The following SMG1 variants were observed in gnomAD, a reference collection of about 807,000 sequenced individuals.
The protein encoded by SMG1 is serine/threonine-protein kinase SMG1.
SMG1 carries 22 observed loss-of-function variants against 419.9 expected under a neutral mutation model. The observed-to-expected ratio is 0.05, with a 90% CI of 0.04 to 0.07. SMG1 has a LOEUF of 0.07. SMG1 is among the 10% of genes least tolerant of loss of function. The probability of loss-of-function intolerance (pLI) is 1.00; values close to 1 mark genes in which losing one functional copy is unlikely to be tolerated. For synonymous variants in SMG1, 1,538 were observed against 1,553.5 expected, an observed-to-expected ratio of 0.99 and a Z score of 0.23; for missense variants, 3,185 against 4,342.0, an observed-to-expected ratio of 0.73 and a Z score of 7.49.
intron 55 of SMG1, among the ~76,000 whole-genome samples, chr16:18,820,546 C>G (rs867945963): frequency 1.3e-5 from 2 of 152,118 alleles, no homozygotes; most frequent in Non-Finnish European, 2.9e-5. Context: ...ATTATCATGA[C>G]GAGGAAAGTT....
chr16:18,907,900 C>T (rs1360058501), intron 1 of SMG1, among the ~76,000 whole-genome samples: 1 of 145,574 alleles, frequency 6.9e-6, no homozygotes, highest in Non-Finnish European at 1.5e-5. Flanking sequence ...AATTGCATCA[C>T]TTATCTTCCC....
intron 15 of SMG1, among the ~76,000 whole-genome samples, chr16:18,871,778 A>C (rs540246668): frequency 2.6e-5 from 4 of 151,992 alleles, no homozygotes; most frequent in Non-Finnish European, 5.9e-5. Context: ...ATCTCTACTA[A>C]AAATACAAAA....
intron 29 of SMG1, chr16:18,856,995 T>G (rs1037185577): frequency 2.5e-4 from 38 of 152,098 alleles, no homozygotes; most frequent in Admixed American, 6.6e-4. Context: ...TCCTTACAAG[T>G]ATCTCAAAAG....
In SMG1 at chr16:18,829,927, T is replaced by C; in HGVS notation, c.9132A>G (p.Ser3044=). The change falls in exon 53 of 63, where the codon TCA becomes TCG. Residue 3044 remains serine (S), a splice_region_variant and synonymous_variant. Transcript: ENST00000446231. The stretch of plus-strand genomic sequence containing the variant: ...GTATGTTTACAGGTAGAATATTACC[T>C]GACAATGTTTTAGAAAAGGTACCAC... The part of the protein sequence containing the change: ...RLCGTFSKTL[S]GSSSLEDQNT... 1.3e-6 allele frequency: 2 copies of C among 1,543,894 alleles called. No homozygotes were observed. The highest frequency in any genetic ancestry group is 1.7e-6 in the Non-Finnish European group (2 of 1,147,530).
chr16:18,920,971 C>A (rs1378424834), intron 1 of SMG1, among the ~76,000 whole-genome samples: 1 of 151,980 alleles, frequency 6.6e-6, no homozygotes, highest in Non-Finnish European at 1.5e-5. Flanking sequence ...AATCCCATCT[C>A]CACTAAAAAC....
In SMG1 at chr16:18,845,554, C is replaced by A; in HGVS notation, c.6094G>T (p.Ala2032Ser). The change falls in exon 39 of 63, where the codon GCA becomes TCA. Residue 2032 changes from alanine (A) to serine (S), a missense_variant. Coordinates refer to ENST00000446231, the MANE Select transcript of SMG1 (RefSeq NM_015092.5). ...EHVRSITAAP[A>S]ETPHEKWFQD... Reference sequence around the variant, plus strand: ...AACCATTTTTCATGAGGTGTTTCTGCAGGAGCCGCTGTGATACTCCTCACA... The same window carrying A: ...AACCATTTTTCATGAGGTGTTTCTGAAGGAGCCGCTGTGATACTCCTCACA... 1 of 1,613,936 alleles carries A rather than the reference C, an allele frequency of 6.2e-7. No individual in the cohort carries two copies. The highest frequency in any genetic ancestry group is 1.7e-5 in the Admixed American group (1 of 60,024).
At chr16:18,882,605 A>G (rs150510316) in intron 9 of SMG1, among the ~76,000 whole-genome samples, 3 of 152,342 alleles carry the variant, frequency 2.0e-5, no homozygotes, top group East Asian at 3.9e-4. Flanking sequence ...GGGAAAAATA[A>G]ATTCTAGCAC....
chr16:18,806,397 T>C lies in SMG1; in HGVS notation c.*3172A>G, dbSNP rs1449228958. The C allele has an allele frequency of 4.6e-5, 7 of 152,602 alleles. No individual in the cohort carries two copies. The highest frequency in any genetic ancestry group is 4.6e-4 in the Admixed American group (7 of 15,268). 9.5% of individuals were successfully genotyped at this position (152,602 alleles called of 1,614,324 possible). ...TTAGGGAAGCAGATCAAGAGCCTGA[T>C]TATCAGTTCTCACATGGAAATCTCA... is the stretch of plus-strand genomic sequence containing the variant. On this transcript the variant is annotated 3_prime_UTR_variant, in exon 63 of 63. Transcript: ENST00000446231.
intron 54 of SMG1, among the ~76,000 whole-genome samples, chr16:18,828,864 G>A (rs1166958851): frequency 1.3e-5 from 2 of 152,160 alleles, no homozygotes; most frequent in Non-Finnish European, 2.9e-5. Context: ...CAGGCGTGGT[G>A]GCACATGCCT....
At chr16:18,819,148 G>C (rs2141136829) in intron 56 of SMG1, among the ~76,000 whole-genome samples, 1 of 152,330 alleles carries the variant, frequency 6.6e-6, no homozygotes. Flanking sequence ...ACGTTTTATT[G>C]TCATGTGGAA....
rs572905131 is a variant in SMG1 at position 18,879,464 on chromosome 16, A to C, written c.1518+31T>G. The C allele has an allele frequency of 3.5e-6, 3 of 856,672 alleles. No individual in the cohort carries two copies. In the East Asian group the frequency reaches 7.9e-5, roughly 23 times the overall value. 53.1% of individuals were successfully genotyped at this position (856,672 alleles called of 1,614,324 possible). ...GATTTAAGGGCCTGAATAAACCAAC[A>C]CATTAAAAAGGAAAAGAATAATTCA... On this transcript the variant is annotated intron_variant, in intron 11 of 62. Coordinates refer to ENST00000446231, the MANE Select transcript of SMG1 (RefSeq NM_015092.5).
In SMG1 at chr16:18,868,204, T is replaced by C. The variant is rs757158030; in HGVS notation, c.3181A>G (p.Thr1061Ala). The change falls in exon 22 of 63, where the codon ACC becomes GCC. Residue 1061 changes from threonine (T) to alanine (A), a missense_variant. Physicochemically the swap from Thr to Ala is moderately conservative, Grantham distance 58. Transcript: ENST00000446231. ...GFDLLTEMKT[T>A]SLSQGNELEV... is the part of the protein sequence containing the mutation. ...CACCACATTACCTGAGATAGGCTGG[T>C]TGTTTTCATCTCTGTAAGCAAGTCA... 9.1e-5 allele frequency: 144 copies of C among 1,575,650 alleles called. No individual in the cohort carries two copies. Among genetic ancestry groups the C allele is most frequent in the Non-Finnish European group, 1.2e-4 (140 of 1,168,728 alleles).
Position 18,872,552 on chromosome 16 carries a change from C to G in SMG1, c.1963G>C (p.Val655Leu). 1 of 1,510,170 alleles carries G rather than the reference C, an allele frequency of 6.6e-7. No homozygotes were observed. Among genetic ancestry groups the G allele is most frequent in the Non-Finnish European group, 8.9e-7 (1 of 1,124,372 alleles). The allele number at this position is 1,510,170 out of a possible 1,614,324, so 93.5% of individuals were successfully genotyped here. A position where few individuals can be genotyped will look rare whatever the true frequency, so the allele number is the denominator to read the frequency against. ...NLMIVHSDLA[V>L]HFPAIQYAVL... is the part of the protein sequence containing the mutation. ...GCATACTGAATGGCAGGGAAGTGAA[C>G]AGCCAGGTCACTGTGCACAATCATC... The change falls in exon 14 of 63, where the codon GTT (valine) becomes CTT (leucine). Residue 655 changes from valine (V) to leucine (L), a missense_variant. Val to Leu is a conservative substitution (Grantham distance 32). Transcript: ENST00000446231.
At position 18,807,488 on chromosome 16, in the gene SMG1, G is replaced by A. The variant is rs2030946722; in HGVS notation, c.*2081C>T. The A allele has an allele frequency of 6.6e-6, 1 of 152,072 alleles. No homozygotes were observed. Among genetic ancestry groups the A allele is most frequent in the African/African-American group, 2.4e-5 (1 of 41,380 alleles). 9.4% of individuals were successfully genotyped at this position (152,072 alleles called of 1,614,324 possible). A position where few individuals can be genotyped will look rare whatever the true frequency, so the allele number is the denominator to read the frequency against. ...TTTGATGCGCTAGGTTCCTTAACTT[G>A]CTATTGGACACATGGGTATTTCAAA... On this transcript the variant is annotated 3_prime_UTR_variant, in exon 63 of 63. Transcript: ENST00000446231.
chr16:18,844,514 C>T (rs920154428), intron 39 of SMG1, among the ~76,000 whole-genome samples: 2 of 95,670 alleles, frequency 2.1e-5, no homozygotes, highest in African/African-American at 9.3e-5. Context: ...CACACACACA[C>T]ACACACACGG....
intron 6 of SMG1, among the ~76,000 whole-genome samples, chr16:18,886,796 T>C (rs931029534): frequency 2.6e-5 from 4 of 152,024 alleles, no homozygotes; most frequent in Non-Finnish European, 5.9e-5. Context: ...AGCAAGATTA[T>C]GTCTCAAAAA....
intron 48 of SMG1, 31 bp from the exon 49 acceptor site, chr16:18,835,195 T>C: frequency 1.9e-6 from 3 of 1,584,908 alleles, no homozygotes; most frequent in Non-Finnish European, 2.6e-6. Flanking sequence ...TGCTTGTTTA[T>C]AACACAACCA....
chr16:18,831,970 T>C (rs1169361240), intron 51 of SMG1, among the ~76,000 whole-genome samples: 1 of 151,944 alleles, frequency 6.6e-6, no homozygotes, highest in East Asian at 1.9e-4. Context: ...TAAGATTACA[T>C]ATATATGTAT....
rs995398913 is a variant in SMG1 at position 18,905,611 on chromosome 16, TTTCA to T, written c.93-8659_93-8656del. ...ATCCAAGTATTCTCCTCCTTCTTCATTTCATTTTTTTTTTTTTTTGAGACAGACT... is the reference window on the plus strand; with the variant it reads ...ATCCAAGTATTCTCCTCCTTCTTCATTTTTTTTTTTTTTTTGAGACAGACT... On this transcript the variant is annotated intron_variant, in intron 1 of 62. Transcript: ENST00000446231. 5.9e-4 allele frequency among the ~76,000 whole-genome samples: 74 copies of T among 126,420 alleles called. No homozygotes were observed. The South Asian group carries it at 0.012, about 21-fold the overall frequency. The allele number at this position is 126,420 out of a possible 152,430, so 82.9% of individuals were successfully genotyped here. A position where few individuals can be genotyped will look rare whatever the true frequency, so the allele number is the denominator to read the frequency against.
Sources: allele counts gnomAD v4.1 joint callset (sites outside exome capture counted in the v4.1 genomes callset), GRCh38; gene constraint gnomAD v4.1.1; transcripts MANE v1.5; gene names NCBI Gene and HGNC (gene_info 2026-07-23, HGNC 2026-07-21).